NTMT1: variants seen among roughly 807,000 people sequenced by gnomAD.
NTMT1 encodes N-terminal RCC1 methyltransferase.
A neutral mutation model predicts 17.5 loss-of-function variants in NTMT1; 8 were observed. The ratio of observed to expected loss-of-function variants is 0.46; its 90% CI spans 0.27 to 0.82. The LOEUF (loss-of-function observed/expected upper bound fraction) is 0.82, where lower values mean the gene tolerates loss of function less well. Among genes scored for constraint, NTMT1 ranks in the 40% least tolerant of loss-of-function variants. The probability of loss-of-function intolerance (pLI) is 0.15; values close to 1 mark genes in which losing one functional copy is unlikely to be tolerated. For missense variants in NTMT1, 221 were observed against 303.5 expected, an observed-to-expected ratio of 0.73 and a Z score of 2.02; for synonymous variants, 128 against 126.8, an observed-to-expected ratio of 1.01 and a Z score of -0.06.
upstream of NTMT1, among the ~76,000 whole-genome samples, chr9:129,624,597 G>C (rs1175322725): frequency 2.0e-5 from 3 of 152,156 alleles, no homozygotes; most frequent in African/African-American, 7.2e-5. Context: ...TTCTGTGTGC[G>C]TCGCCCAGAG....
At chr9:129,633,050 T>C in intron 2 of NTMT1, 185 bp downstream of exon 2, 1 of 589,788 alleles carries the variant, frequency 1.7e-6, no homozygotes, top group Non-Finnish European at 2.9e-6. Flanking sequence ...GATTGTGGAC[T>C]TAGCCTCAGG....
intron 1 of NTMT1, chr9:129,615,617 G>A: frequency 6.3e-7 from 1 of 1,595,078 alleles, no homozygotes; most frequent in Non-Finnish European, 8.5e-7. Context: ...GCGCAGCCTT[G>A]AGCCTGGGGA....
intron 1 of NTMT1, chr9:129,615,433 T>A (rs768906452): frequency 1.3e-6 from 2 of 1,510,774 alleles, no homozygotes; most frequent in African/African-American, 2.8e-5. Flanking sequence ...CTCTCTGCCC[T>A]CCTGGCTAGA....
chr9:129,623,493 C>G (rs1016947916), upstream of NTMT1, among the ~76,000 whole-genome samples: 1 of 152,034 alleles, frequency 6.6e-6, no homozygotes, highest in African/African-American at 2.4e-5. Context: ...GGGAGAGGGC[C>G]GAGAGGAAGC....
Position 129,613,638 on chromosome 9 carries a change from A to G in NTMT1, c.-55+4460A>G, listed in dbSNP as rs372362153. ...CAGGGTGAGATCTCTGCCCAGGAGGAGGGCACTGGTGCCCCCACCCTCTTT... is the reference window on the plus strand; with the variant it reads ...CAGGGTGAGATCTCTGCCCAGGAGGGGGGCACTGGTGCCCCCACCCTCTTT... On this transcript the variant is annotated intron_variant, in intron 1 of 3. Coordinates refer to the NTMT1 transcript ENST00000372486. The surrounding 1 kb of genome is among the most constrained non-coding windows in gnomAD (Gnocchi z 6.2). The G allele has an allele frequency of 6.2e-7, 1 of 1,611,154 alleles. No homozygotes were observed. Among genetic ancestry groups the G allele is most frequent in the Non-Finnish European group, 8.5e-7 (1 of 1,178,346 alleles).
At position 129,620,513 on chromosome 9, in the gene NTMT1, T is replaced by C; in HGVS notation, c.-55+11335T>C. 6.9e-7 allele frequency: 1 copy of C among 1,440,230 alleles called. No individual in the cohort carries two copies. Among genetic ancestry groups the C allele is most frequent in the Non-Finnish European group, 9.1e-7 (1 of 1,094,798 alleles). The allele number at this position is 1,440,230 out of a possible 1,614,324, so 89.2% of individuals were successfully genotyped here. A position where few individuals can be genotyped will look rare whatever the true frequency, so the allele number is the denominator to read the frequency against. On this transcript the variant is annotated intron_variant, in intron 1 of 3. Coordinates refer to the NTMT1 transcript ENST00000372486. This position sits in a 1 kb window ranked among gnomAD's most constrained non-coding sequence, Gnocchi z 5.8. ...GTCGCTGCTGCGTCGGAAGTCTCCG[T>C]CGCCAGGGAGCCCCTTGGGCGCCAG... is the stretch of plus-strand genomic sequence containing the variant.
upstream of NTMT1, among the ~76,000 whole-genome samples, chr9:129,622,495 A>AAAT (rs915483989): frequency 1.3e-5 from 2 of 151,434 alleles, no homozygotes; most frequent in African/African-American, 2.4e-5. Context: ...TCCATCTCAA[A>AAAT]AATAATAATA....
At chr9:129,629,316 C>T (rs1169980871) in intron 1 of NTMT1, among the ~76,000 whole-genome samples, 1 of 152,054 alleles carries the variant, frequency 6.6e-6, no homozygotes, top group African/African-American at 2.4e-5. Context: ...GATTGGTGGC[C>T]CTTTTTCCTG....
chr9:129,635,109 G>A (rs1564350776), intron 3 of NTMT1, 99 bp from the exon 4 acceptor site: 1 of 1,421,150 alleles, frequency 7.0e-7, no homozygotes, highest in Non-Finnish European at 9.5e-7. Flanking sequence ...AAAATGCTGG[G>A]CACAAATGAG....
chr9:129,619,500 T>A, intron 1 of NTMT1: 1 of 1,574,840 alleles, frequency 6.3e-7, no homozygotes, highest in Non-Finnish European at 8.7e-7. Context: ...TACCCTACCC[T>A]TATCCCGCCC....
chr9:129,633,904 G>A lies in NTMT1; in HGVS notation c.163-150G>A, dbSNP rs377222900. 3.4e-5 allele frequency: 27 copies of A among 797,844 alleles called. No individual in the cohort carries two copies. The South Asian group carries it at 4.7e-4, about 14-fold the overall frequency. 49.4% of individuals were successfully genotyped at this position (797,844 alleles called of 1,614,324 possible). A position where few individuals can be genotyped will look rare whatever the true frequency, so the allele number is the denominator to read the frequency against. The stretch of plus-strand genomic sequence containing the variant: ...TGCTCATCCCCTCGACTCCGTACAA[G>A]CTGGCAGCCAGCACAGACCTCCCCA... On this transcript the variant is annotated intron_variant, in intron 2 of 3. Transcript: ENST00000372483.
chr9:129,611,864 C>T (rs1005284932), intron 1 of NTMT1, among the ~76,000 whole-genome samples: 6 of 152,142 alleles, frequency 3.9e-5, no homozygotes, highest in Non-Finnish European at 8.8e-5. Context: ...GCAATCTGCC[C>T]GCCTCAGCCT....
intron 2 of NTMT1, 87 bp downstream of exon 2, chr9:129,632,952 T>A: frequency 6.9e-7 from 1 of 1,449,834 alleles, no homozygotes; most frequent in South Asian, 1.3e-5. Context: ...TTTACACATG[T>A]AACACTGCAG....
rs1439316757 is a variant in NTMT1, at chr9:129,634,088, T to C, written c.197T>C (p.Leu66Pro). ...GPNKTGTSCA[L>P]DCGAGIGRIT... ...AACAAGACAGGAACGTCCTGTGCCCTGGACTGTGGAGCTGGCATTGGGAGG... is the reference window on the plus strand; with the variant it reads ...AACAAGACAGGAACGTCCTGTGCCCCGGACTGTGGAGCTGGCATTGGGAGG... The change falls in exon 3 of 4, where the codon CTG becomes CCG. Residue 66 changes from leucine to proline, a missense_variant. Coordinates refer to ENST00000372483, the MANE Select transcript of NTMT1 (RefSeq NM_014064.4). The C allele has an allele frequency of 6.2e-7, 1 of 1,614,198 alleles. No homozygotes were observed. The highest frequency in any genetic ancestry group is 1.1e-5 in the South Asian group (1 of 91,084).
upstream of NTMT1, among the ~76,000 whole-genome samples, chr9:129,623,620 A>T (rs916523927): frequency 2.0e-5 from 3 of 152,154 alleles, no homozygotes; most frequent in African/African-American, 4.8e-5. Flanking sequence ...CAAATAACAG[A>T]GTGACTCACT....
At chr9:129,629,327 T>A (rs1831033402) in intron 1 of NTMT1, among the ~76,000 whole-genome samples, 1 of 152,158 alleles carries the variant, frequency 6.6e-6, no homozygotes, top group Non-Finnish European at 1.5e-5. Context: ...CTTTTTCCTG[T>A]CAGCTACCCG....
chr9:129,632,289 AAAT>A (rs1475888748), intron 1 of NTMT1, among the ~76,000 whole-genome samples: 2 of 152,172 alleles, frequency 1.3e-5, no homozygotes, highest in Non-Finnish European at 2.9e-5. Flanking sequence ...TCTCTACAAA[AAAT>A]AATTAGCCAG....
In NTMT1 at chr9:129,613,487, C is replaced by T. The variant is rs752813624; in HGVS notation, c.-55+4309C>T. The T allele has an allele frequency of 2.5e-6, 4 of 1,614,156 alleles. No individual in the cohort carries two copies. Among genetic ancestry groups the T allele is most frequent in the Non-Finnish European group, 3.4e-6 (4 of 1,180,030 alleles). ...CTGGCCAGGGTCTCCTCCTTGGCCC[C>T]AGGGTACAGGGCTTTGGGCAAACTC... On this transcript the variant is annotated intron_variant, in intron 1 of 3. Coordinates refer to the NTMT1 transcript ENST00000372486. The surrounding 1 kb of genome is among the most constrained non-coding windows in gnomAD (Gnocchi z 6.2).
In NTMT1 at chr9:129,613,404, A is replaced by C; in HGVS notation, c.-55+4226A>C. 6.2e-7 allele frequency: 1 copy of C among 1,608,818 alleles called. No individual in the cohort carries two copies. Among genetic ancestry groups the C allele is most frequent in the Non-Finnish European group, 8.5e-7 (1 of 1,176,538 alleles). ...GGGGTGGAGGGCCCTGGCAATGTCCACGAGTCCCATCCGCTTCCCTGGAGC... is the reference window on the plus strand; with the variant it reads ...GGGGTGGAGGGCCCTGGCAATGTCCCCGAGTCCCATCCGCTTCCCTGGAGC... On this transcript the variant is annotated intron_variant, in intron 1 of 3. Coordinates refer to the NTMT1 transcript ENST00000372486. This position sits in a 1 kb window ranked among gnomAD's most constrained non-coding sequence, Gnocchi z 6.2.
Sources: allele counts gnomAD v4.1 joint callset (sites outside exome capture counted in the v4.1 genomes callset), GRCh38; gene constraint gnomAD v4.1.1; non-coding constraint Gnocchi (gnomAD v3.1); transcripts MANE v1.5; gene names NCBI Gene and HGNC (gene_info 2026-07-23, HGNC 2026-07-21).